Variants in CA12 observed in about 807,000 individuals in gnomAD.
CA12 encodes carbonic anhydrase 12.
A neutral mutation model predicts 46.8 loss-of-function variants in CA12; 36 were observed. The observed-to-expected ratio is 0.77, with a 90% CI of 0.59 to 1.02. The LOEUF (loss-of-function observed/expected upper bound fraction) is 1.02. CA12 is among the 50% of genes least tolerant of loss of function. CA12 has a pLI of 0.00. For missense variants in CA12, 436 were observed against 451.4 expected (o/e 0.97, Z 0.31); for synonymous variants, 202 against 187.0 (o/e 1.08, Z -0.65).
chr15:63,345,640 G>GCCT lies in CA12; in HGVS notation c.287-24_287-22dup, dbSNP rs1166296682. Reference sequence around the variant, plus strand: ...CTTCACTGCGGGGAGTGGAGGAGCAGCCTTCAGAGCCCCGGCCAGCTGTGC... The same window carrying GCCT: ...CTTCACTGCGGGGAGTGGAGGAGCAGCCTCCTTCAGAGCCCCGGCCAGCTGTGC... On this transcript the variant is annotated intron_variant, in intron 3 of 10. Coordinates refer to ENST00000178638, the MANE Select transcript of CA12 (RefSeq NM_001218.5). The surrounding 1 kb of genome is among the most constrained non-coding windows in gnomAD (Gnocchi z 4.3). 6.2e-7 allele frequency: 1 copy of GCCT among 1,607,602 alleles called. No homozygotes were observed. The highest frequency in any genetic ancestry group is 8.5e-7 in the Non-Finnish European group (1 of 1,179,154).
At chr15:63,376,602 C>CTTTCTTTCTTTCTTTCTTTCTTTCTT (rs1391310984) in intron 1 of CA12, among the ~76,000 whole-genome samples, 1 of 141,898 alleles carries the variant, frequency 7.0e-6, no homozygotes, top group African/African-American at 2.6e-5. Context: ...TTCTTTCTTT[C>CTTTCTTTCTTTCTTTCTTTCTTTCTT]TCTCTCTCTC....
chr15:63,324,284 C>T lies in CA12; in HGVS notation c.*2001G>A, dbSNP rs2152607989. Reference sequence around the variant, plus strand: ...GTAAGTCTCCCTTTTCATGAACAGCCCTTGTGCCAGGTACAATGGTCTCTC... The same window carrying T: ...GTAAGTCTCCCTTTTCATGAACAGCTCTTGTGCCAGGTACAATGGTCTCTC... On this transcript the variant is annotated 3_prime_UTR_variant, in exon 11 of 11. Transcript: ENST00000178638. The T allele has an allele frequency of 6.6e-6, 1 of 152,400 alleles. No homozygotes were observed. Among genetic ancestry groups the T allele is most frequent in the African/African-American group, 2.4e-5 (1 of 41,548 alleles). 9.4% of individuals were successfully genotyped at this position (152,400 alleles called of 1,614,324 possible).
Position 63,339,175 on chromosome 15 carries a change from T to G in CA12, c.748-230A>C, listed in dbSNP as rs2039043602. On this transcript the variant is annotated intron_variant, in intron 7 of 10. Coordinates refer to ENST00000178638, the MANE Select transcript of CA12 (RefSeq NM_001218.5). The surrounding 1 kb of genome is among the most constrained non-coding windows in gnomAD (Gnocchi z 4.3). ...GGTTTATCTTCCCAGCACCCGAGAC[T>G]TCAGGGAAAGGCAGTGCTGTTAGTT... Among the ~76,000 whole-genome samples the G allele has an allele frequency of 6.6e-6, 1 of 152,056 alleles. No individual in the cohort carries two copies. The highest frequency in any genetic ancestry group is 2.4e-5 in the African/African-American group (1 of 41,396).
intron 2 of CA12, among the ~76,000 whole-genome samples, chr15:63,371,921 G>A (rs577281951): frequency 2.4e-4 from 37 of 152,220 alleles, no homozygotes; most frequent in African/African-American, 8.2e-4. Flanking sequence ...AAAGCTATCA[G>A]AGTAAGGATG....
intron 2 of CA12, chr15:63,375,350 G>A (rs559634615): frequency 3.1e-5 from 10 of 322,754 alleles, no homozygotes; most frequent in East Asian, 1.9e-4. Context: ...CTTGCAGTCC[G>A]GAGGTGGGGC....
rs974097103 is a variant in CA12, at chr15:63,345,902, G to A, written c.287-283C>T. ...CCAGAAACGCTAACACTAGACCAAC[G>A]GATGGGTGTTTATTTACATATTGAT... On this transcript the variant is annotated intron_variant, in intron 3 of 10. Coordinates refer to ENST00000178638, the MANE Select transcript of CA12 (RefSeq NM_001218.5). This position sits in a 1 kb window ranked among gnomAD's most constrained non-coding sequence, Gnocchi z 4.3. Among the ~76,000 whole-genome samples, 3 of 152,194 alleles carry A rather than the reference G, an allele frequency of 2.0e-5. No individual in the cohort carries two copies. Among genetic ancestry groups the A allele is most frequent in the East Asian group, 1.9e-4 (1 of 5,200 alleles).
Position 63,327,122 on chromosome 15 carries a change from T to TC in CA12, c.992+26dup. ...TCATCATGGACACATAGCTGTCCAT[T>TC]CCCATTTTGGACCCAAACCAGCTCA... is the stretch of plus-strand genomic sequence containing the variant. On this transcript the variant is annotated intron_variant, in intron 10 of 10. Transcript: ENST00000178638. This position sits in a 1 kb window ranked among gnomAD's most constrained non-coding sequence, Gnocchi z 4.5. The TC allele has an allele frequency of 6.3e-7, 1 of 1,594,862 alleles. No individual in the cohort carries two copies. Among genetic ancestry groups the TC allele is most frequent in the Non-Finnish European group, 8.6e-7 (1 of 1,162,664 alleles).
intron 2 of CA12, among the ~76,000 whole-genome samples, chr15:63,368,039 C>T (rs2039457405): frequency 6.6e-6 from 1 of 152,158 alleles, no homozygotes; most frequent in Non-Finnish European, 1.5e-5. Context: ...TATTTTTATA[C>T]CGTTTTGCCT....
rs567509372 is a variant in CA12, at chr15:63,374,903, C to G, written c.106+755G>C. Reference sequence around the variant, plus strand: ...CTTGTGCATCTTCTGTGGCTGTGCCCCAACAAGACATTATCAACATTCCCG... The same window carrying G: ...CTTGTGCATCTTCTGTGGCTGTGCCGCAACAAGACATTATCAACATTCCCG... On this transcript the variant is annotated intron_variant, in intron 2 of 10. Transcript: ENST00000178638. The surrounding 1 kb of genome is among the most constrained non-coding windows in gnomAD (Gnocchi z 4.4). 5.3e-5 allele frequency among the ~76,000 whole-genome samples: 8 copies of G among 152,268 alleles called. No individual in the cohort carries two copies. The East Asian group carries it at 1.2e-3, about 22-fold the overall frequency.
Position 63,340,671 on chromosome 15 carries a change from C to A in CA12, c.589+49G>T. The stretch of plus-strand genomic sequence containing the variant: ...TTTTCTTAAAGTCACACAGGGCTGA[C>A]TACCTCCTTCTCCAGCAGAGAGTGA... On this transcript the variant is annotated intron_variant, in intron 6 of 10. Transcript: ENST00000178638. This position sits in a 1 kb window ranked among gnomAD's most constrained non-coding sequence, Gnocchi z 4.4. 1 of 1,577,448 alleles carries A rather than the reference C, an allele frequency of 6.3e-7. No individual in the cohort carries two copies. Among genetic ancestry groups the A allele is most frequent in the South Asian group, 1.1e-5 (1 of 90,342 alleles).
chr15:63,376,584 T>TTCTTTCTTTCTTTCTTTC (rs1319758625), intron 1 of CA12, among the ~76,000 whole-genome samples: 2 of 120,302 alleles, frequency 1.7e-5, no homozygotes, highest in Non-Finnish European at 3.5e-5. Context: ...CTTTCTTTCT[T>TTCTTTCTTTCTTTCTTTC]TCTTTCTTTC....
rs1245891504 is a variant in CA12 at position 63,325,496 on chromosome 15, A to G, written c.*789T>C. ...TATTCTGTCCTTACATTATGGCTTG[A>G]TAAACAGAATGTGATTCCAATTCTG... On this transcript the variant is annotated 3_prime_UTR_variant, in exon 11 of 11. Transcript: ENST00000178638. The surrounding 1 kb of genome is among the most constrained non-coding windows in gnomAD (Gnocchi z 4.9). The G allele has an allele frequency of 6.6e-6, 1 of 152,566 alleles. No homozygotes were observed. The highest frequency in any genetic ancestry group is 6.5e-5 in the Admixed American group (1 of 15,324). The allele number at this position is 152,566 out of a possible 1,614,324, so 9.5% of individuals were successfully genotyped here.
chr15:63,376,557 C>CCTTTCTTTTTCTTTCTTTCTTT (rs1555432623), intron 1 of CA12, among the ~76,000 whole-genome samples: 1 of 104,526 alleles, frequency 9.6e-6, no homozygotes, highest in South Asian at 3.9e-4. Context: ...CTCTTTCTTT[C>CCTTTCTTTTTCTTTCTTTCTTT]CTTTCTTTCT....
At chr15:63,376,562 C>CTTTCTTTCTTTCT in intron 1 of CA12, among the ~76,000 whole-genome samples, 1 of 104,228 alleles carries the variant, frequency 9.6e-6, no homozygotes, top group Non-Finnish European at 2.0e-5. Context: ...TCTTTCCTTT[C>CTTTCTTTCTTTCT]TTTCTTTCTT....
At chr15:63,369,922 C>T (rs2039481985) in intron 2 of CA12, among the ~76,000 whole-genome samples, 1 of 152,174 alleles carries the variant, frequency 6.6e-6, no homozygotes, top group South Asian at 2.1e-4. Context: ...AAAATGTAGG[C>T]ATTTTGGCAG....
At chr15:63,336,543 CTT>C (rs71998323) in intron 8 of CA12, among the ~76,000 whole-genome samples, 1,884 of 85,794 alleles carry the variant, frequency 0.022, 4 homozygotes, top group Non-Finnish European at 0.025. Flanking sequence ...TCCAACCTGG[CTT>C]TTTTTTTTTT....
At chr15:63,351,189 G>C (rs546810734) in intron 2 of CA12, among the ~76,000 whole-genome samples, 1 of 152,168 alleles carries the variant, frequency 6.6e-6, no homozygotes, top group Admixed American at 6.5e-5. Flanking sequence ...CCTGGGCCCC[G>C]CTCCTCCAAG....
chr15:63,355,860 C>T lies in CA12; in HGVS notation c.107-9151G>A, dbSNP rs1295770953. On this transcript the variant is annotated intron_variant, in intron 2 of 10. Transcript: ENST00000178638. This position sits in a 1 kb window ranked among gnomAD's most constrained non-coding sequence, Gnocchi z 4.1. Reference sequence around the variant, plus strand: ...TCCACAGCCCTGTAGCCACCGCCCTCGCAAGACATCCTGCTCTGTCTTTCT... The same window carrying T: ...TCCACAGCCCTGTAGCCACCGCCCTTGCAAGACATCCTGCTCTGTCTTTCT... Among the ~76,000 whole-genome samples the T allele has an allele frequency of 2.6e-5, 4 of 152,270 alleles. No homozygotes were observed. The highest frequency in any genetic ancestry group is 1.9e-4 in the East Asian group (1 of 5,180).
At position 63,345,522 on chromosome 15, in the gene CA12, C is replaced by T. The variant is rs532242339; in HGVS notation, c.384G>A (p.Pro128=). The T allele has an allele frequency of 1.1e-5, 17 of 1,611,996 alleles. No individual in the cohort carries two copies. Among genetic ancestry groups the T allele is most frequent in the African/African-American group, 4.0e-5 (3 of 74,848 alleles). Residue 128 remains proline, a synonymous_variant, in exon 4 of 11, where the codon CCG becomes CCA. Transcript: ENST00000178638. This position sits in a 1 kb window ranked among gnomAD's most constrained non-coding sequence, Gnocchi z 4.3. ...LHLHWGNPND[P]HGSEHTVSGQ... ...CGCTGACGGTGTGCTCAGAGCCGTG[C>T]GGGTCATTCGGGTTCCCCCAGTGCA...
Sources: gnomAD v4.1 joint callset for allele counts (sites outside exome capture counted in the v4.1 genomes callset) on GRCh38, gnomAD v4.1.1 for gene constraint, Gnocchi (gnomAD v3.1) non-coding constraint, MANE v1.5 for transcripts, NCBI Gene and HGNC (gene_info 2026-07-23, HGNC 2026-07-21) for gene names.